IMPDH1: variants seen among roughly 807,000 people sequenced by gnomAD.
The protein encoded by IMPDH1 is inosine monophosphate dehydrogenase 1, also known as inosine-5'-monophosphate dehydrogenase 1.
Under a neutral mutation model 73.5 loss-of-function variants are expected in IMPDH1, and 41 were observed. That is an observed-to-expected ratio of 0.56 (90% CI 0.43 to 0.72). IMPDH1 has a LOEUF of 0.72. IMPDH1 is among the 30% of genes least tolerant of loss of function. IMPDH1 has a pLI of 0.00. For synonymous variants in IMPDH1, 318 were observed against 334.3 expected (o/e 0.95, Z 0.53); for missense variants, 645 against 824.8 (o/e 0.78, Z 2.67).
Position 128,394,342 on chromosome 7 carries a change from C to G in IMPDH1, c.1714G>C (p.Glu572Gln), listed in dbSNP as rs150628823. 3.4e-4 allele frequency: 555 copies of G among 1,614,106 alleles called. No individual in the cohort carries two copies. Among genetic ancestry groups the G allele is most frequent in the Non-Finnish European group, 4.5e-4 (536 of 1,180,000 alleles). The stretch of plus-strand genomic sequence containing the variant: ...ATGGTCCGCTTCTCAAACTTGAGCT[C>G]TCCTGAGTACATCATGGACCTAGGA... ...SVLRSMMYSG[E>Q]LKFEKRTMSA... The change falls in exon 16 of 17, where the codon GAG becomes CAG. Residue 572 changes from glutamate to glutamine, a missense_variant. Glu to Gln is a conservative substitution (Grantham distance 29, BLOSUM62 2). Around this residue, in one of 2 missense-constraint regions of IMPDH1, gnomAD observed 459 missense variants for 638.2 expected, o/e 0.72. Transcript: ENST00000338791. This position sits in a 1 kb window ranked among gnomAD's most constrained non-coding sequence, Gnocchi z 5.5.
chr7:128,396,976 TAATGCACCATGGCGATCTGATACACCG>T lies in IMPDH1; in HGVS notation c.1094_1120del (p.Ser365_His373del). ...GAGGTGGGGGTACTTCTGTTTGATGTAATGCACCATGGCGATCTGATACACCGAATTCCCTTGGGACGAGTCCTGTGA... is the reference window on the plus strand; with the variant it reads ...GAGGTGGGGGTACTTCTGTTTGATGTAATTCCCTTGGGACGAGTCCTGTGA... On this transcript the variant is annotated inframe_deletion, in exon 11 of 17. Transcript: ENST00000338791. The surrounding 1 kb of genome is among the most constrained non-coding windows in gnomAD (Gnocchi z 4.0). 1 of 1,614,078 alleles carries T rather than the reference TAATGCACCATGGCGATCTGATACACCG, an allele frequency of 6.2e-7. No homozygotes were observed. Among genetic ancestry groups the T allele is most frequent in the Non-Finnish European group, 8.5e-7 (1 of 1,179,988 alleles).
At chr7:128,401,194 G>A (rs1163268394) in intron 5 of IMPDH1, 78 bp from the exon 6 acceptor site, 3 of 1,052,246 alleles carry the variant, frequency 2.9e-6, no homozygotes, top group Non-Finnish European at 4.4e-6. Flanking sequence ...ACATGCACCG[G>A]CACCAGGACA....
At position 128,394,174 on chromosome 7, in the gene IMPDH1, G is replaced by A. The variant is rs1273792771; in HGVS notation, c.1778+104C>T. The A allele has an allele frequency of 4.5e-6, 4 of 884,366 alleles. No individual in the cohort carries two copies. The highest frequency in any genetic ancestry group is 1.6e-5 in the African/African-American group (1 of 60,860). 54.8% of individuals were successfully genotyped at this position (884,366 alleles called of 1,614,324 possible). On this transcript the variant is annotated intron_variant, in intron 16 of 16. Coordinates refer to ENST00000338791, the MANE Select transcript of IMPDH1 (RefSeq NM_000883.4). This position sits in a 1 kb window ranked among gnomAD's most constrained non-coding sequence, Gnocchi z 5.5. ...TGCAGCAGCATCTGTCCCTGCTGCA[G>A]GTGGTCCATGGGGTCCCTGGAACCT...
chr7:128,409,484 G>T lies in IMPDH1; in HGVS notation c.147C>A (p.Ser49Arg), dbSNP rs951775365. The T allele has an allele frequency of 6.2e-7, 1 of 1,614,172 alleles. No individual in the cohort carries two copies. The highest frequency in any genetic ancestry group is 8.5e-7 in the Non-Finnish European group (1 of 1,180,014). ...RLLQAGYEPE[S>R]PRLDLATHPT... ...GGTGTGTAGCGAGGTCCAATCTAGG[G>T]CTAAGATTTTAGGGAAGGTTTTTAC... Residue 49 changes from serine to arginine, a missense_variant and splice_region_variant, in exon 2 of 17, where the codon AGC (serine) becomes AGA (arginine). Physicochemically the swap from Ser to Arg is moderately radical, Grantham distance 110. Transcript: ENST00000338791.
intron 5 of IMPDH1, among the ~76,000 whole-genome samples, chr7:128,402,964 C>A (rs936999089): frequency 6.6e-6 from 1 of 152,170 alleles, no homozygotes; most frequent in Admixed American, 6.5e-5. Flanking sequence ...GTCTGTCTAC[C>A]GGTTTCAAAT....
Position 128,394,943 on chromosome 7 carries a change from A to G in IMPDH1, c.1496T>C (p.Met499Thr). 1.2e-6 allele frequency: 2 copies of G among 1,613,636 alleles called. No homozygotes were observed. Among genetic ancestry groups the G allele is most frequent in the East Asian group, 2.2e-5 (1 of 44,882 alleles). ...DGVRLKKYRG[M>T]GSLDAMEKSS... ...CTTCTCCATGGCATCCAGTGAGCCC[A>G]TGCCCCGGTACTTCTTGAGCCGCAC... The change falls in exon 14 of 17, where the codon ATG (methionine) becomes ACG (threonine). Residue 499 changes from methionine (M) to threonine (T), a missense_variant. Physicochemically the swap from Met to Thr is moderately conservative, Grantham distance 81. Coordinates refer to ENST00000338791, the MANE Select transcript of IMPDH1 (RefSeq NM_000883.4). This position sits in a 1 kb window ranked among gnomAD's most constrained non-coding sequence, Gnocchi z 5.5.
chr7:128,401,690 T>C (rs1362135449), intron 5 of IMPDH1, among the ~76,000 whole-genome samples: 3 of 152,074 alleles, frequency 2.0e-5, no homozygotes, highest in African/African-American at 7.2e-5. Context: ...TCACTCAGGC[T>C]CCAAGGTGGA....
At chr7:128,404,417 C>T (rs1329652988) in intron 4 of IMPDH1, among the ~76,000 whole-genome samples, 2 of 152,188 alleles carry the variant, frequency 1.3e-5, no homozygotes, top group Admixed American at 6.5e-5. Flanking sequence ...GGGTGGGCCA[C>T]GGTCACAGCA....
chr7:128,406,203 G>C (rs868624103), intron 3 of IMPDH1, among the ~76,000 whole-genome samples: 12 of 148,238 alleles, frequency 8.1e-5, no homozygotes, highest in Non-Finnish European at 1.4e-4. Flanking sequence ...TGGGGCTGCG[G>C]GGGAGAGTAC....
intron 5 of IMPDH1, among the ~76,000 whole-genome samples, chr7:128,402,098 AG>A (rs1798380861): frequency 6.6e-6 from 1 of 150,672 alleles, no homozygotes; most frequent in Non-Finnish European, 1.5e-5. Context: ...CCGGCCAGGC[AG>A]GGTTTTTTTT....
At chr7:128,405,325 G>A (rs1286919734) in intron 4 of IMPDH1, among the ~76,000 whole-genome samples, 7 of 152,174 alleles carry the variant, frequency 4.6e-5, no homozygotes, top group Non-Finnish European at 8.8e-5. Context: ...TGGAAAAGAA[G>A]CCACCCCAAC....
intron 16 of IMPDH1, 114 bp from the exon 17 acceptor site, chr7:128,393,142 C>A: frequency 8.3e-7 from 1 of 1,203,946 alleles, no homozygotes; most frequent in Non-Finnish European, 1.2e-6. Context: ...CTGAGAAGCC[C>A]TGAGATCTCA....
chr7:128,400,815 G>A lies in IMPDH1; in HGVS notation c.579+2C>T. On this transcript the variant is annotated splice_donor_variant, in intron 7 of 16. Coordinates refer to ENST00000338791, the MANE Select transcript of IMPDH1 (RefSeq NM_000883.4). LOFTEE classifies it low-confidence loss of function (GC_TO_GT_DONOR). The stretch of plus-strand genomic sequence containing the variant: ...CTTGCTGGGGACAGGCCTGGTACTT[G>A]CCTTGACCTTCCGCACCTCGTTGGC... 2.5e-6 allele frequency: 4 copies of A among 1,613,796 alleles called. No individual in the cohort carries two copies. Among genetic ancestry groups the A allele is most frequent in the Non-Finnish European group, 3.4e-6 (4 of 1,179,684 alleles).
At position 128,400,898 on chromosome 7, in the gene IMPDH1, T is replaced by C. The variant is rs1439062686; in HGVS notation, c.505-7A>G. Reference sequence around the variant, plus strand: ...AACCAATACCTCCCATCAGCTGATGTAGAAGGGAAGTGTGGTCAGAGCCGG... The same window carrying C: ...AACCAATACCTCCCATCAGCTGATGCAGAAGGGAAGTGTGGTCAGAGCCGG... On this transcript the variant is annotated splice_region_variant and splice_polypyrimidine_tract_variant and intron_variant, in intron 6 of 16. Transcript: ENST00000338791. The C allele has an allele frequency of 3.7e-6, 6 of 1,612,936 alleles. No homozygotes were observed. Among genetic ancestry groups the C allele is most frequent in the Non-Finnish European group, 5.1e-6 (6 of 1,179,078 alleles).
chr7:128,409,563 A>C, intron 1 of IMPDH1, 79 bp from the exon 2 acceptor site: 2 of 1,562,546 alleles, frequency 1.3e-6, no homozygotes, highest in South Asian at 2.2e-5. Context: ...AACCCTTCGC[A>C]CAGTGCCCGT....
chr7:128,397,052 TAGAC>T, intron 10 of IMPDH1, 30 bp from the exon 11 acceptor site: 1 of 1,523,926 alleles, frequency 6.6e-7, no homozygotes, highest in Non-Finnish European at 9.1e-7. Context: ...AGCTTGGGCT[TAGAC>T]AGCTGAGGAT....
chr7:128,400,732 T>G, intron 7 of IMPDH1, 85 bp downstream of exon 7: 1 of 1,284,204 alleles, frequency 7.8e-7, no homozygotes, highest in South Asian at 1.2e-5. Context: ...AGTGTAGCAG[T>G]GCAGGGCTGG....
intron 4 of IMPDH1, 32 bp downstream of exon 4, chr7:128,405,735 G>C: frequency 1.3e-6 from 2 of 1,521,240 alleles, no homozygotes; most frequent in Non-Finnish European, 1.8e-6. Flanking sequence ...GCGTGGATGC[G>C]CGCACCTAGG....
At chr7:128,397,165 T>C in intron 10 of IMPDH1, 143 bp from the exon 11 acceptor site, 1 of 664,278 alleles carries the variant, frequency 1.5e-6, no homozygotes, top group Non-Finnish European at 2.7e-6. Flanking sequence ...TTTTTTTTTT[T>C]TTTCTGGAAA....
Sources: allele counts gnomAD v4.1 joint callset (sites outside exome capture counted in the v4.1 genomes callset), GRCh38; gene constraint gnomAD v4.1.1; regional missense constraint gnomAD v4.1.1; non-coding constraint Gnocchi (gnomAD v3.1); transcripts MANE v1.5; gene names NCBI Gene and HGNC (gene_info 2026-07-23, HGNC 2026-07-21).